The following RAI14 variants were observed in gnomAD, a reference collection of about 807,000 sequenced individuals.
The protein encoded by RAI14 is ankycorbin.
In RAI14, 45 loss-of-function variants were observed where a neutral mutation model predicts 115.4. That is an observed-to-expected ratio of 0.39 (90% CI 0.31 to 0.50). The LOEUF is 0.50. Among genes scored for constraint, RAI14 ranks in the 20% least tolerant of loss-of-function variants. The probability of loss-of-function intolerance (pLI) is 0.85; values close to 1 mark genes in which losing one functional copy is unlikely to be tolerated. For synonymous variants in RAI14, 371 were observed against 415.4 expected, an observed-to-expected ratio of 0.89 and a Z score of 1.30; for missense variants, 939 against 1,131.2, an observed-to-expected ratio of 0.83 and a Z score of 2.44.
chr5:34,821,597 C>G (rs1197435701), intron 13 of RAI14, 135 bp from the exon 14 acceptor site: 3 of 592,838 alleles, frequency 5.1e-6, no homozygotes, highest in Non-Finnish European at 9.0e-6. Context: ...TTTAGTTCAC[C>G]CATCCAGCTG....
intron 2 of RAI14, among the ~76,000 whole-genome samples, chr5:34,715,144 G>T (rs1035202096): frequency 4.6e-5 from 7 of 152,152 alleles, no homozygotes; most frequent in Non-Finnish European, 1.0e-4. Flanking sequence ...GTGTGAGGGG[G>T]TTTGGGGCTG....
At chr5:34,727,984 G>A (rs1025836777) in intron 2 of RAI14, among the ~76,000 whole-genome samples, 1 of 152,156 alleles carries the variant, frequency 6.6e-6, no homozygotes, top group Admixed American at 6.5e-5. Context: ...AGCTTGCACC[G>A]TGCACCTGGG....
chr5:34,790,824 C>A (rs897788281), intron 3 of RAI14, among the ~76,000 whole-genome samples: 4 of 150,616 alleles, frequency 2.7e-5, no homozygotes, highest in Non-Finnish European at 5.9e-5. Flanking sequence ...TATTTTACTT[C>A]TAATTCATTA....
At chr5:34,707,524 G>A (rs185931910) in intron 2 of RAI14, among the ~76,000 whole-genome samples, 99 of 152,264 alleles carry the variant, frequency 6.5e-4, no homozygotes, top group African/African-American at 2.3e-3. Flanking sequence ...TCCTGTTCAG[G>A]TCTCTTTCCA....
chr5:34,707,230 A>T (rs1740807954), intron 2 of RAI14, among the ~76,000 whole-genome samples: 1 of 152,182 alleles, frequency 6.6e-6, no homozygotes, highest in South Asian at 2.1e-4. Flanking sequence ...ACTTTGGGAT[A>T]CCAAGGCAGG....
intron 3 of RAI14, among the ~76,000 whole-genome samples, chr5:34,794,566 G>A (rs536843549): frequency 1.3e-5 from 2 of 152,282 alleles, no homozygotes; most frequent in East Asian, 3.9e-4. Context: ...TACAGAAATA[G>A]TTGCGTGAGT....
chr5:34,729,871 A>T (rs997533843), intron 2 of RAI14, among the ~76,000 whole-genome samples: 2 of 152,218 alleles, frequency 1.3e-5, no homozygotes, highest in Non-Finnish European at 2.9e-5. Flanking sequence ...CAGTTGGGAA[A>T]ATTTGGATAC....
At position 34,799,267 on chromosome 5, in the gene RAI14, T is replaced by C. The variant is rs1055864854; in HGVS notation, c.256+3240T>C. 6.6e-5 allele frequency among the ~76,000 whole-genome samples: 10 copies of C among 152,290 alleles called. No homozygotes were observed. The South Asian group carries it at 1.7e-3, about 25-fold the overall frequency. On this transcript the variant is annotated intron_variant, in intron 4 of 17. Coordinates refer to ENST00000265109, the MANE Select transcript of RAI14 (RefSeq NM_015577.3). Reference sequence around the variant, plus strand: ...AGGTTACGTTAGTAACAGTGCTTAGTGGTCATCACTAGTCCTAAACGTTTG... The same window carrying C: ...AGGTTACGTTAGTAACAGTGCTTAGCGGTCATCACTAGTCCTAAACGTTTG...
chr5:34,757,712 T>G, intron 3 of RAI14, 114 bp downstream of exon 3: 3 of 1,316,302 alleles, frequency 2.3e-6, no homozygotes, highest in Non-Finnish European at 3.0e-6. Flanking sequence ...ACTCCCATGT[T>G]GAAATATGTA....
intron 2 of RAI14, among the ~76,000 whole-genome samples, chr5:34,702,237 T>C (rs1740169152): frequency 6.6e-6 from 1 of 152,142 alleles, no homozygotes; most frequent in Non-Finnish European, 1.5e-5. Context: ...GGGAAGAAAT[T>C]CTCCAGAATG....
intron 1 of RAI14, among the ~76,000 whole-genome samples, chr5:34,681,046 C>T (rs1744343977): frequency 6.6e-6 from 1 of 152,198 alleles, no homozygotes; most frequent in African/African-American, 2.4e-5. Context: ...TAACTCACAG[C>T]ATAGCCCTTG....
At chr5:34,828,303 A>G (rs550259824) in intron 16 of RAI14, among the ~76,000 whole-genome samples, 1,539 of 152,278 alleles carry the variant, frequency 0.01, 21 homozygotes, top group African/African-American at 0.029. Context: ...TGCTGAACTG[A>G]AGAGGAGCAT....
intron 3 of RAI14, among the ~76,000 whole-genome samples, chr5:34,784,781 GC>G (rs1399459756): frequency 6.6e-6 from 1 of 152,232 alleles, no homozygotes; most frequent in African/African-American, 2.4e-5. Flanking sequence ...CTCTGGCTCA[GC>G]TTCTTTTATT....
At chr5:34,776,389 A>G (rs1331908777) in intron 3 of RAI14, among the ~76,000 whole-genome samples, 3 of 152,224 alleles carry the variant, frequency 2.0e-5, no homozygotes, top group Non-Finnish European at 4.4e-5. Flanking sequence ...AATAATTATT[A>G]TACATTTTAA....
At chr5:34,715,510 C>T (rs879792265) in intron 2 of RAI14, among the ~76,000 whole-genome samples, 2 of 152,168 alleles carry the variant, frequency 1.3e-5, no homozygotes, top group Non-Finnish European at 2.9e-5. Context: ...TTCTCCTGAA[C>T]CACTCTGTAT....
chr5:34,687,848 A>G (rs967228493), intron 2 of RAI14: 6 of 1,236,660 alleles, frequency 4.9e-6, no homozygotes, highest in Non-Finnish European at 6.9e-6. Context: ...CATTTTTGCA[A>G]TAAATGGAGG....
intron 2 of RAI14, among the ~76,000 whole-genome samples, chr5:34,727,760 C>T (rs11749452): frequency 0.25 from 37,494 of 152,000 alleles, 4,852 homozygotes; most frequent in African/African-American, 0.34. Context: ...TGGGAACCTC[C>T]GCCTAGATAT....
chr5:34,733,561 C>CA (rs1170862413), intron 2 of RAI14, among the ~76,000 whole-genome samples: 1 of 152,196 alleles, frequency 6.6e-6, no homozygotes, highest in Non-Finnish European at 1.5e-5. Flanking sequence ...AACTGAATCT[C>CA]AAACTTGATT....
intron 2 of RAI14, among the ~76,000 whole-genome samples, chr5:34,729,964 C>G (rs1004036084): frequency 1.3e-5 from 2 of 152,042 alleles, no homozygotes; most frequent in Non-Finnish European, 2.9e-5. Flanking sequence ...AAAAAAAGTT[C>G]TCATTGTTTA....
Sources: allele counts gnomAD v4.1 joint callset (sites outside exome capture counted in the v4.1 genomes callset), GRCh38; gene constraint gnomAD v4.1.1; transcripts MANE v1.5; gene names NCBI Gene and HGNC (gene_info 2026-07-23, HGNC 2026-07-21).